Variants in DOK5 observed in about 807,000 individuals in gnomAD.
DOK5 encodes the protein downstream of tyrosine kinase 5.
DOK5 carries 27 observed loss-of-function variants against 43.3 expected under a neutral mutation model. The ratio of observed to expected loss-of-function variants is 0.62; its 90% confidence interval spans 0.46 to 0.86. The LOEUF (loss-of-function observed/expected upper bound fraction) is 0.86, where lower values mean the gene tolerates loss of function less well. Ranked by LOEUF, DOK5 falls within the 40% of genes least tolerant of loss-of-function variation. The pLI is 0.00. For missense variants in DOK5, 373 were observed against 392.9 expected, an observed-to-expected ratio of 0.95 and a Z score of 0.43; for synonymous variants, 146 against 140.1, an observed-to-expected ratio of 1.04 and a Z score of -0.30.
chr20:54,522,113 G>C (rs1983419820), intron 1 of DOK5, among the ~76,000 whole-genome samples: 1 of 152,144 alleles, frequency 6.6e-6, no homozygotes, highest in South Asian at 2.1e-4. Flanking sequence ...ATACACCACA[G>C]ACCAGGGGTG....
intron 2 of DOK5, among the ~76,000 whole-genome samples, chr20:54,558,929 C>A (rs1328380879): frequency 6.6e-6 from 1 of 152,134 alleles, no homozygotes; most frequent in Non-Finnish European, 1.5e-5. Flanking sequence ...TACACTCCTG[C>A]AAAAATTGGA....
chr20:54,617,169 T>A (rs1372336547), intron 6 of DOK5, among the ~76,000 whole-genome samples: 2 of 152,168 alleles, frequency 1.3e-5, no homozygotes, highest in African/African-American at 4.8e-5. Context: ...TACAGTTTCT[T>A]GCTGGCTGTT....
chr20:54,499,986 G>C (rs538244178), intron 1 of DOK5, among the ~76,000 whole-genome samples: 72 of 152,262 alleles, frequency 4.7e-4, no homozygotes, highest in African/African-American at 1.7e-3. Context: ...TTTAATATTA[G>C]TAACAGGGCT....
At chr20:54,612,473 T>C (rs1175096502) in intron 6 of DOK5, among the ~76,000 whole-genome samples, 1 of 152,214 alleles carries the variant, frequency 6.6e-6, no homozygotes, top group African/African-American at 2.4e-5. Flanking sequence ...CTGAGGGTGT[T>C]CCTGAGTGAC....
intron 1 of DOK5, among the ~76,000 whole-genome samples, chr20:54,516,800 G>A (rs1024208190): frequency 1.3e-5 from 2 of 152,152 alleles, no homozygotes. Context: ...TTTAGCTCTT[G>A]CCCTCAAAGA....
chr20:54,540,094 C>G (rs921156028), intron 1 of DOK5, among the ~76,000 whole-genome samples: 11 of 151,982 alleles, frequency 7.2e-5, no homozygotes, highest in Middle Eastern at 3.4e-3. Flanking sequence ...GTCTTGGTGA[C>G]TACTCAGAAC....
chr20:54,605,108 T>TACACAC (rs11471905), intron 5 of DOK5, among the ~76,000 whole-genome samples: 8,345 of 148,936 alleles, frequency 0.056, 810 homozygotes, highest in African/African-American at 0.19. Flanking sequence ...CCATATATTC[T>TACACAC]ACACACACAC....
At chr20:54,527,330 T>C (rs1983610876) in intron 1 of DOK5, among the ~76,000 whole-genome samples, 1 of 152,216 alleles carries the variant, frequency 6.6e-6, no homozygotes, top group Non-Finnish European at 1.5e-5. Context: ...TGGAGATACA[T>C]TTCAAGCGTA....
intron 1 of DOK5, among the ~76,000 whole-genome samples, chr20:54,481,498 TCTC>T (rs1981717362): frequency 6.6e-6 from 1 of 152,022 alleles, no homozygotes; most frequent in Non-Finnish European, 1.5e-5. Flanking sequence ...TTCTTCTCCC[TCTC>T]CTTTCCTTCT....
intron 1 of DOK5, among the ~76,000 whole-genome samples, chr20:54,478,453 T>G (rs1981525172): frequency 6.6e-6 from 1 of 152,176 alleles, no homozygotes; most frequent in South Asian, 2.1e-4. Context: ...TAGCACAGAG[T>G]AGACACTTGG....
intron 1 of DOK5, among the ~76,000 whole-genome samples, chr20:54,481,172 A>ATCTATCTATCTATCTATCTC (rs1555822412): frequency 7.4e-5 from 11 of 148,852 alleles, no homozygotes; most frequent in African/African-American, 2.8e-4. Context: ...CTATCTATCT[A>ATCTATCTATCTATCTATCTC]TCTATCTATA....
At chr20:54,595,728 G>T (rs561285708) in intron 5 of DOK5, among the ~76,000 whole-genome samples, 7 of 152,316 alleles carry the variant, frequency 4.6e-5, no homozygotes, top group Admixed American at 4.6e-4. Flanking sequence ...CAGGGCTGGT[G>T]CAAACTTGAG....
At chr20:54,601,608 G>A (rs1470937646) in intron 5 of DOK5, among the ~76,000 whole-genome samples, 2 of 152,222 alleles carry the variant, frequency 1.3e-5, no homozygotes, top group Non-Finnish European at 2.9e-5. Flanking sequence ...ACATCTAAAA[G>A]TGATAGCGAA....
At chr20:54,524,383 T>C (rs1983512831) in intron 1 of DOK5, among the ~76,000 whole-genome samples, 1 of 152,212 alleles carries the variant, frequency 6.6e-6, no homozygotes, top group Admixed American at 6.5e-5. Flanking sequence ...GCAATGAACA[T>C]GAGCAGGACT....
intron 5 of DOK5, among the ~76,000 whole-genome samples, chr20:54,604,237 C>T (rs554441407): frequency 6.6e-4 from 100 of 151,998 alleles, no homozygotes; most frequent in African/African-American, 2.4e-3. Context: ...TGAGCCACCG[C>T]GCCCCGGCCT....
At chr20:54,482,090 T>C (rs1389672247) in intron 1 of DOK5, among the ~76,000 whole-genome samples, 2 of 152,232 alleles carry the variant, frequency 1.3e-5, no homozygotes, top group African/African-American at 4.8e-5. Context: ...TTGCTTGGCA[T>C]TGATGGTTGA....
At chr20:54,513,222 A>G (rs533358334) in intron 1 of DOK5, among the ~76,000 whole-genome samples, 10 of 152,272 alleles carry the variant, frequency 6.6e-5, no homozygotes, top group Admixed American at 5.2e-4. Context: ...AATAAGACAT[A>G]GTAATTAGTT....
At chr20:54,496,563 C>T (rs1245071950) in intron 1 of DOK5, among the ~76,000 whole-genome samples, 5 of 151,986 alleles carry the variant, frequency 3.3e-5, no homozygotes, top group Admixed American at 1.3e-4. Flanking sequence ...GTCAGGAGAT[C>T]GAGACCATCC....
At chr20:54,588,423 G>A in intron 2 of DOK5, 60 bp from the exon 3 acceptor site, 2 of 1,429,974 alleles carry the variant, frequency 1.4e-6, no homozygotes, top group South Asian at 2.3e-5. Context: ...CACCTTTGGT[G>A]TTGTATACTG....
Sources: gnomAD v4.1 joint callset for allele counts (sites outside exome capture counted in the v4.1 genomes callset) on GRCh38, gnomAD v4.1.1 for gene constraint, MANE v1.5 for transcripts, NCBI Gene and HGNC (gene_info 2026-07-23, HGNC 2026-07-21) for gene names.